The following PDE4D variants were observed in gnomAD, a reference collection of about 807,000 sequenced individuals.
PDE4D encodes phosphodiesterase 4D.
In PDE4D, 24 loss-of-function variants were observed where a neutral mutation model predicts 87.4. That is an observed-to-expected ratio of 0.27 (90% CI 0.20 to 0.39). The LOEUF (loss-of-function observed/expected upper bound fraction) is 0.39. Among genes scored for constraint, PDE4D ranks in the 10% least tolerant of loss-of-function variants. The pLI is 1.00. For synonymous variants in PDE4D, 384 were observed against 383.2 expected, an observed-to-expected ratio of 1.00 and a Z score of -0.02; for missense variants, 714 against 1,041.0, an observed-to-expected ratio of 0.69 and a Z score of 4.32.
At chr5:59,242,262 A>G (rs1757832050) in intron 1 of PDE4D, among the ~76,000 whole-genome samples, 1 of 152,238 alleles carries the variant, frequency 6.6e-6, no homozygotes, top group South Asian at 2.1e-4. Context: ...AATACCTGCT[A>G]TGGCTGATAC....
chr5:59,349,854 T>G (rs1022113839), intron 1 of PDE4D, among the ~76,000 whole-genome samples: 1 of 152,108 alleles, frequency 6.6e-6, no homozygotes, highest in Non-Finnish European at 1.5e-5. Context: ...TACCTTTATA[T>G]TTATTGCAGA....
At chr5:60,019,315 G>C (rs1168649041) in intron 2 of PDE4D, among the ~76,000 whole-genome samples, 1 of 152,136 alleles carries the variant, frequency 6.6e-6, no homozygotes, top group African/African-American at 2.4e-5. Context: ...TAGGATTTTT[G>C]AAATGCTAAA....
intron 2 of PDE4D, among the ~76,000 whole-genome samples, chr5:60,143,670 A>G (rs201294177): frequency 4.9e-5 from 7 of 143,214 alleles, no homozygotes; most frequent in Admixed American, 1.4e-4. Context: ...TGTTTTGGGG[A>G]GGGGGCGGTT....
intron 1 of PDE4D, among the ~76,000 whole-genome samples, chr5:59,295,809 T>C (rs1581812369): frequency 1.3e-5 from 2 of 149,142 alleles, no homozygotes; most frequent in South Asian, 2.1e-4. Context: ...AGGCTGGTGG[T>C]GTTAGGGAGT....
Position 59,495,481 on chromosome 5 carries a change from G to A in PDE4D, c.456-279513C>T, listed in dbSNP as rs762252684. On this transcript the variant is annotated intron_variant, in intron 1 of 14. Transcript: ENST00000340635. ...ATCCTTCATAAATAGAGACATGAAA[G>A]GGATCAAGATGGCTGAGCAGAAGCA... is the stretch of plus-strand genomic sequence containing the variant. Among the ~76,000 whole-genome samples, 143 of 152,156 alleles carry A rather than the reference G, an allele frequency of 9.4e-4. 1 individual carries two copies. The highest frequency in any genetic ancestry group is 1.9e-3 in the Non-Finnish European group (127 of 68,024).
intron 6 of PDE4D, among the ~76,000 whole-genome samples, chr5:59,001,466 G>T (rs1270034325): frequency 6.6e-6 from 1 of 152,138 alleles, no homozygotes; most frequent in Non-Finnish European, 1.5e-5. Context: ...AACATCTGTT[G>T]TATTCATTTC....
At chr5:59,566,906 C>CT (rs1821030258) in intron 1 of PDE4D, among the ~76,000 whole-genome samples, 1 of 151,838 alleles carries the variant, frequency 6.6e-6, no homozygotes. Flanking sequence ...CTTGTGGGGT[C>CT]TTTTTTTCCT....
At chr5:60,136,075 T>C (rs1780018835) in intron 2 of PDE4D, among the ~76,000 whole-genome samples, 1 of 152,172 alleles carries the variant, frequency 6.6e-6, no homozygotes, top group Admixed American at 6.6e-5. Context: ...ACCTTTCTTG[T>C]CTGAGCAATA....
rs551572853 is a variant in PDE4D, at chr5:59,268,887, T to A, written c.456-52919A>T. On this transcript the variant is annotated intron_variant, in intron 1 of 14. Transcript: ENST00000340635. ...AGTTTCATCTTAGAATCTACTTTTC[T>A]CAATCTTGCTAGTAATGGTTGGGTG... Among the ~76,000 whole-genome samples, 5 of 152,286 alleles carry A rather than the reference T, an allele frequency of 3.3e-5. No homozygotes were observed. In the South Asian group the frequency reaches 1.0e-3, roughly 32 times the overall value.
At chr5:59,312,168 G>A (rs1457154969) in intron 1 of PDE4D, among the ~76,000 whole-genome samples, 1 of 152,124 alleles carries the variant, frequency 6.6e-6, no homozygotes, top group African/African-American at 2.4e-5. Flanking sequence ...TTCCATGTAC[G>A]ACTTTTGACA....
chr5:59,508,302 C>A (rs1809641574), intron 1 of PDE4D, among the ~76,000 whole-genome samples: 1 of 152,092 alleles, frequency 6.6e-6, no homozygotes, highest in Non-Finnish European at 1.5e-5. Context: ...TGGTTTCAGG[C>A]AGCATATTTA....
chr5:59,564,025 T>C (rs182598619), intron 1 of PDE4D, among the ~76,000 whole-genome samples: 33 of 152,300 alleles, frequency 2.2e-4, no homozygotes, highest in Non-Finnish European at 4.4e-4. Context: ...GAGCATGTAC[T>C]CTACAGGCTT....
chr5:60,207,799 T>C (rs2149563383), intron 1 of PDE4D, among the ~76,000 whole-genome samples: 1 of 152,340 alleles, frequency 6.6e-6, no homozygotes, highest in South Asian at 2.1e-4. Flanking sequence ...CATTTAGTAT[T>C]GAATCAATCA....
chr5:59,978,798 G>C (rs568771284), intron 3 of PDE4D, among the ~76,000 whole-genome samples: 49 of 152,254 alleles, frequency 3.2e-4, no homozygotes, highest in Non-Finnish European at 6.6e-4. Flanking sequence ...AATTGTCACA[G>C]CCACCCCAAT....
At chr5:60,224,068 C>T (rs1744810835) in intron 1 of PDE4D, among the ~76,000 whole-genome samples, 1 of 152,124 alleles carries the variant, frequency 6.6e-6, no homozygotes, top group Admixed American at 6.6e-5. Flanking sequence ...TCTCTGTCAA[C>T]ATTTGTCCAT....
At chr5:59,324,457 T>C (rs1467357439) in intron 1 of PDE4D, among the ~76,000 whole-genome samples, 1 of 152,144 alleles carries the variant, frequency 6.6e-6, no homozygotes, top group Admixed American at 6.5e-5. Context: ...AGTGATTTGT[T>C]AAGACATCGG....
intron 5 of PDE4D, among the ~76,000 whole-genome samples, chr5:59,179,058 G>A (rs1035762890): frequency 1.2e-4 from 18 of 152,128 alleles, no homozygotes; most frequent in African/African-American, 4.1e-4. Context: ...GAAGAAATCA[G>A]TTACTCAAAG....
chr5:59,833,987 A>G (rs1235170581), intron 1 of PDE4D, among the ~76,000 whole-genome samples: 3 of 152,092 alleles, frequency 2.0e-5, no homozygotes, highest in African/African-American at 7.2e-5. Flanking sequence ...AATGTTTATA[A>G]TTGGAAGAAA....
At position 59,668,017 on chromosome 5, in the gene PDE4D, C is replaced by T. The variant is rs187221089; in HGVS notation, c.455+225151G>A. On this transcript the variant is annotated intron_variant, in intron 1 of 14. Coordinates refer to ENST00000340635, the MANE Select transcript of PDE4D (RefSeq NM_001104631.2). ...TTTCTGTTTATACTTCTGTGGAAATCCTATCCATCCTTAAACCTTAAAATG... is the reference window on the plus strand; with the variant it reads ...TTTCTGTTTATACTTCTGTGGAAATTCTATCCATCCTTAAACCTTAAAATG... Among the ~76,000 whole-genome samples, 457 of 152,266 alleles carry T rather than the reference C, an allele frequency of 3.0e-3. 2 individuals carry two copies. Among genetic ancestry groups the T allele is most frequent in the African/African-American group, 0.011 (446 of 41,550 alleles).
Sources: gnomAD v4.1 joint callset for allele counts (sites outside exome capture counted in the v4.1 genomes callset) on GRCh38, gnomAD v4.1.1 for gene constraint, MANE v1.5 for transcripts, NCBI Gene and HGNC (gene_info 2026-07-23, HGNC 2026-07-21) for gene names.